THSD7A: variants seen among roughly 807,000 people sequenced by gnomAD.
THSD7A encodes the protein thrombospondin type 1 domain containing 7A.
Under a neutral mutation model 231.3 loss-of-function variants are expected in THSD7A, and 96 were observed. That is an observed-to-expected ratio of 0.41 (90% CI 0.35 to 0.49). The LOEUF (loss-of-function observed/expected upper bound fraction) is 0.49. Among genes scored for constraint, THSD7A ranks in the 20% least tolerant of loss-of-function variants. The pLI, the probability that THSD7A is intolerant of heterozygous loss-of-function variation, is 0.05. For synonymous variants in THSD7A, 940 were observed against 743.3 expected (o/e 1.26, Z -4.30); for missense variants, 2,290 against 2,070.2 (o/e 1.11, Z -2.06).
intron 1 of THSD7A, among the ~76,000 whole-genome samples, chr7:11,647,662 C>T (rs1782333567): frequency 6.6e-6 from 1 of 152,058 alleles, no homozygotes; most frequent in Non-Finnish European, 1.5e-5. Context: ...ATCTGCAAGT[C>T]CTCTGATTAT....
chr7:11,520,594 T>C (rs1788223072), intron 6 of THSD7A, among the ~76,000 whole-genome samples: 1 of 152,144 alleles, frequency 6.6e-6, no homozygotes. Context: ...AAAATGTTGA[T>C]TGATGTCATA....
chr7:11,823,605 T>C (rs759603883), intron 1 of THSD7A, among the ~76,000 whole-genome samples: 33 of 152,142 alleles, frequency 2.2e-4, no homozygotes, highest in Non-Finnish European at 3.7e-4. Flanking sequence ...TGTTTTTCCA[T>C]TTGTTTGTGT....
chr7:11,516,179 A>G (rs2128314670), intron 6 of THSD7A, among the ~76,000 whole-genome samples: 1 of 152,320 alleles, frequency 6.6e-6, no homozygotes, highest in South Asian at 2.1e-4. Context: ...TATGTAGTTA[A>G]TTTACTGAAC....
intron 19 of THSD7A, among the ~76,000 whole-genome samples, chr7:11,409,989 G>T (rs1034202492): frequency 2.0e-5 from 3 of 152,024 alleles, no homozygotes; most frequent in Non-Finnish European, 4.4e-5. Flanking sequence ...TGATCCGCCC[G>T]ACTGAGCCTC....
At chr7:11,399,018 G>C (rs570600459) in intron 23 of THSD7A, among the ~76,000 whole-genome samples, 2 of 152,092 alleles carry the variant, frequency 1.3e-5, no homozygotes, top group Non-Finnish European at 2.9e-5. Flanking sequence ...CTTCTACCAG[G>C]TCTATTACCA....
intron 1 of THSD7A, among the ~76,000 whole-genome samples, chr7:11,750,858 T>G (rs1348846642): frequency 6.6e-6 from 1 of 151,950 alleles, no homozygotes; most frequent in South Asian, 2.1e-4. Flanking sequence ...TTGTGAGTAA[T>G]TGTGGAAAAA....
intron 9 of THSD7A, among the ~76,000 whole-genome samples, chr7:11,467,235 C>G (rs780202258): frequency 8.5e-5 from 13 of 152,076 alleles, no homozygotes; most frequent in Non-Finnish European, 1.8e-4. Context: ...AAGAAGATCT[C>G]TTGTACCTCC....
At chr7:11,744,311 A>G (rs1201181237) in intron 1 of THSD7A, among the ~76,000 whole-genome samples, 1 of 151,890 alleles carries the variant, frequency 6.6e-6, no homozygotes, top group Non-Finnish European at 1.5e-5. Flanking sequence ...ATAAACTTCA[A>G]GAGAAAGCTT....
rs1022630247 is a variant in THSD7A at position 11,444,190 on chromosome 7, A to G, written c.3064+1871T>C. ...GATGTGGAGAAAGAGGAACACTTTT[A>G]CAATGTTGGTGGGAGTGTAAATTAG... On this transcript the variant is annotated intron_variant, in intron 13 of 27. Coordinates refer to ENST00000423059, the MANE Select transcript of THSD7A (RefSeq NM_015204.3). This position sits in a 1 kb window ranked among gnomAD's most constrained non-coding sequence, Gnocchi z 4.2. Among the ~76,000 whole-genome samples the G allele has an allele frequency of 6.6e-6, 1 of 152,122 alleles. No individual in the cohort carries two copies. Among genetic ancestry groups the G allele is most frequent in the African/African-American group, 2.4e-5 (1 of 41,434 alleles).
chr7:11,691,294 T>C (rs1780222597), intron 1 of THSD7A, among the ~76,000 whole-genome samples: 1 of 151,546 alleles, frequency 6.6e-6, no homozygotes, highest in Non-Finnish European at 1.5e-5. Context: ...AGAAAGTGCA[T>C]GGTAATAGGT....
intron 1 of THSD7A, among the ~76,000 whole-genome samples, chr7:11,714,759 A>T (rs535052826): frequency 1.8e-4 from 27 of 151,346 alleles, no homozygotes; most frequent in Non-Finnish European, 3.6e-4. Flanking sequence ...AACACAGCAT[A>T]CACAAAATAC....
chr7:11,479,620 T>C (rs1786337870), intron 7 of THSD7A, among the ~76,000 whole-genome samples: 1 of 150,606 alleles, frequency 6.6e-6, no homozygotes, highest in Non-Finnish European at 1.5e-5. Flanking sequence ...TCATTAAAAA[T>C]AGTTCAGAAT....
chr7:11,763,475 C>G (rs1314435953), intron 1 of THSD7A, among the ~76,000 whole-genome samples: 1 of 151,956 alleles, frequency 6.6e-6, no homozygotes, highest in Non-Finnish European at 1.5e-5. Flanking sequence ...CATATATATC[C>G]ATGTACACAT....
chr7:11,495,896 T>G (rs996046650), intron 6 of THSD7A, among the ~76,000 whole-genome samples: 1 of 152,114 alleles, frequency 6.6e-6, no homozygotes, highest in African/African-American at 2.4e-5. Flanking sequence ...ACAGGGGATT[T>G]GGAGAGTTAA....
intron 1 of THSD7A, among the ~76,000 whole-genome samples, chr7:11,656,342 A>T (rs1011596394): frequency 1.3e-5 from 2 of 151,854 alleles, no homozygotes; most frequent in African/African-American, 4.8e-5. Flanking sequence ...TACAGGAATC[A>T]GTTCCAGTGC....
chr7:11,635,840 G>C (rs997072915), intron 2 of THSD7A, among the ~76,000 whole-genome samples: 1 of 151,076 alleles, frequency 6.6e-6, no homozygotes, highest in Non-Finnish European at 1.5e-5. Context: ...ATAGGGAAAC[G>C]ACACTGTCTA....
chr7:11,401,952 C>T lies in THSD7A; in HGVS notation c.4254G>A (p.Lys1418=). 6.2e-7 allele frequency: 1 copy of T among 1,612,896 alleles called. No homozygotes were observed. The highest frequency in any genetic ancestry group is 8.5e-7 in the Non-Finnish European group (1 of 1,179,478). The change falls in exon 23 of 28, where the codon AAG becomes AAA. Residue 1418 remains lysine, a synonymous_variant. Coordinates refer to ENST00000423059, the MANE Select transcript of THSD7A (RefSeq NM_015204.3). ...GACACAGGCTCCAGGAAGACCAGTC[C>T]TTCAAATAACAGTCACCTGTAAAAC... ...SQPCPGDCYL[K]DWSSWSLCQL...
Position 11,411,230 on chromosome 7 carries a change from C to G in THSD7A, c.3775G>C (p.Val1259Leu), listed in dbSNP as rs540956285. The part of the protein sequence containing the change: ...LDCVRSDGKS[V>L]DLKYCEALGL... ...ACCGCTTCACAATATTTCAGGTCAA[C>G]TGACTTGCCATCACTTCGAACACAA... Residue 1259 changes from valine (V) to leucine (L), a missense_variant, in exon 19 of 28, where the codon GTT (valine) becomes CTT (leucine). Coordinates refer to ENST00000423059, the MANE Select transcript of THSD7A (RefSeq NM_015204.3). This position sits in a 1 kb window ranked among gnomAD's most constrained non-coding sequence, Gnocchi z 4.1. 3.7e-5 allele frequency: 59 copies of G among 1,613,630 alleles called. No individual in the cohort carries two copies. The highest frequency in any genetic ancestry group is 8.3e-5 in the Admixed American group (5 of 59,958).
chr7:11,371,037 A>C lies in THSD7A; in HGVS notation c.*4757T>G, dbSNP rs1034431410. ...GACAATTATATTCTAAATAATATAG[A>C]GATTTTTGATCACTGAAAACATGAC... On this transcript the variant is annotated 3_prime_UTR_variant, in exon 28 of 28. Transcript: ENST00000423059. 6.6e-6 allele frequency: 1 copy of C among 152,328 alleles called. No individual in the cohort carries two copies. Among genetic ancestry groups the C allele is most frequent in the South Asian group, 2.1e-4 (1 of 4,826 alleles). The allele number at this position is 152,328 out of a possible 1,614,324, so 9.4% of individuals were successfully genotyped here.
Sources: gnomAD v4.1 joint callset for allele counts (sites outside exome capture counted in the v4.1 genomes callset) on GRCh38, gnomAD v4.1.1 for gene constraint, Gnocchi (gnomAD v3.1) non-coding constraint, MANE v1.5 for transcripts, NCBI Gene and HGNC (gene_info 2026-07-23, HGNC 2026-07-21) for gene names.